Variants in ARRDC2 observed in about 807,000 individuals in gnomAD.
ARRDC2 encodes the protein arrestin domain-containing protein 2.
In ARRDC2, 39 loss-of-function variants were observed where a neutral mutation model predicts 38.9. That is an observed-to-expected ratio of 1.00 (90% confidence interval 0.78 to 1.31). The LOEUF (loss-of-function observed/expected upper bound fraction) is 1.31, where lower values mean the gene tolerates loss of function less well. Ranked by LOEUF, ARRDC2 falls within the 50% of genes most tolerant of loss-of-function variation. The pLI, the probability that ARRDC2 is intolerant of heterozygous loss-of-function variation, is 0.00. For missense variants in ARRDC2, 553 were observed against 588.4 expected (o/e 0.94, Z 0.62); for synonymous variants, 300 against 261.9 (o/e 1.15, Z -1.41).
chr19:18,008,199 T>C lies in ARRDC2; in HGVS notation c.-112T>C, dbSNP rs2033322260. The C allele has an allele frequency of 3.1e-6, 4 of 1,291,542 alleles. No individual in the cohort carries two copies. The East Asian group carries it at 1.8e-4, about 58-fold the overall frequency. The allele number at this position is 1,291,542 out of a possible 1,614,324, so 80.0% of individuals were successfully genotyped here. ...TTCTGCTCCGGTTGGTGAGCGCGCC[T>C]GCGCGTTGACGGCGATTTTGCGTTC... is the stretch of plus-strand genomic sequence containing the variant. On this transcript the variant is annotated 5_prime_UTR_variant, in exon 1 of 8. Transcript: ENST00000222250.
chr19:18,005,241 C>T (rs2033248564), upstream of ARRDC2, among the ~76,000 whole-genome samples: 2 of 151,994 alleles, frequency 1.3e-5, 1 homozygote, highest in South Asian at 4.1e-4. Flanking sequence ...GCACATCTTG[C>T]ACCACCCTTA....
chr19:18,006,667 G>T (rs565423127), upstream of ARRDC2, among the ~76,000 whole-genome samples: 2 of 151,794 alleles, frequency 1.3e-5, no homozygotes, highest in East Asian at 3.9e-4. Context: ...CTTAAAAATT[G>T]TTAAATTGTT....
At chr19:18,006,368 C>A (rs2033277935), upstream of ARRDC2, among the ~76,000 whole-genome samples, 1 of 152,216 alleles carries the variant, frequency 6.6e-6, no homozygotes, top group Non-Finnish European at 1.5e-5. Flanking sequence ...ACTCTGTCTG[C>A]AATCCCGGCA....
chr19:18,008,120 C>CCCCCCCCCCCCCCCCCCCCCGT, upstream of ARRDC2: 2 of 572,700 alleles, frequency 3.5e-6, no homozygotes, highest in Non-Finnish European at 5.1e-6. Flanking sequence ...ACGGTGACCC[C>CCCCCCCCCCCCCCCCCCCCCGT]ACCCCCCCCC....
At chr19:18,008,160 A>C (rs951232672), upstream of ARRDC2, 29 of 903,556 alleles carry the variant, frequency 3.2e-5, no homozygotes, top group South Asian at 6.9e-5. Flanking sequence ...GCGCCGACGC[A>C]CGGCGCGGGG....
Position 18,010,010 on chromosome 19 carries a change from C to T in ARRDC2, c.820C>T (p.Arg274Cys), listed in dbSNP as rs770483953. 53 of 1,602,086 alleles carry T rather than the reference C, an allele frequency of 3.3e-5. No individual in the cohort carries two copies. In the Admixed American group the frequency reaches 3.7e-4, roughly 11 times the overall value. Residue 274 changes from arginine (R) to cysteine (C), a missense_variant, in exon 5 of 8, where the codon CGC becomes TGC. Coordinates refer to ENST00000222250, the MANE Select transcript of ARRDC2 (RefSeq NM_015683.2). ...PPVGPSILHCRVLHVDYALKV... is the reference protein window; with the variant it reads ...PPVGPSILHCCVLHVDYALKV... ...AGTGGGTCCTTCCATCCTGCACTGCCGCGTTCTACACGTGGACTACGCACT... is the reference window on the plus strand; with the variant it reads ...AGTGGGTCCTTCCATCCTGCACTGCTGCGTTCTACACGTGGACTACGCACT...
chr19:18,004,716 T>C (rs2033238355), upstream of ARRDC2, among the ~76,000 whole-genome samples: 1 of 150,208 alleles, frequency 6.7e-6, no homozygotes, highest in South Asian at 2.1e-4. Context: ...AATTAAAATT[T>C]TGGCTGGGTG....
upstream of ARRDC2, among the ~76,000 whole-genome samples, chr19:18,004,580 TCA>T (rs1491328940): frequency 3.5e-5 from 5 of 143,278 alleles, no homozygotes; most frequent in African/African-American, 1.1e-4. Context: ...TCCCAGCTAC[TCA>T]GGGGGCTAAG....
chr19:18,008,120 C>CCCCCCCCCCCCCCCCCCCCCCAAAAAAA, upstream of ARRDC2: 1 of 572,700 alleles, frequency 1.7e-6, no homozygotes, highest in Non-Finnish European at 2.6e-6. Context: ...ACGGTGACCC[C>CCCCCCCCCCCCCCCCCCCCCCAAAAAAA]ACCCCCCCCC....
At chr19:18,010,061 G>T (rs763618986) in intron 5 of ARRDC2, 22 bp downstream of exon 5, 11 of 1,603,978 alleles carry the variant, frequency 6.9e-6, no homozygotes, top group Non-Finnish European at 8.5e-7. Flanking sequence ...TGCTGGCCCT[G>T]GGGGACAGTG....
chr19:18,005,015 A>C (rs1392579497), upstream of ARRDC2, among the ~76,000 whole-genome samples: 4 of 148,834 alleles, frequency 2.7e-5, no homozygotes, highest in Admixed American at 2.7e-4. Context: ...ATTTAAAAAA[A>C]ATTTTTTTTT....
At chr19:18,008,130 C>CCCCCCCCCCA, upstream of ARRDC2, 2 of 1,088,056 alleles carry the variant, frequency 1.8e-6, no homozygotes, top group Non-Finnish European at 1.2e-6. Context: ...CACCCCCCCC[C>CCCCCCCCCCA]GCCCTGCCGT....
chr19:18,008,433 C>A lies in ARRDC2; in HGVS notation c.123C>A (p.Ala41=), dbSNP rs1344763850. The A allele has an allele frequency of 1.3e-6, 2 of 1,586,868 alleles. No homozygotes were observed. Among genetic ancestry groups the A allele is most frequent in the South Asian group, 2.2e-5 (2 of 89,982 alleles). ...GGGTGCTGCTGGAGCTGTCAAGCGC[C>A]GCGCGTGTGGGTGCCCTGAGGCTGC... The part of the protein sequence containing the change: ...AGRVLLELSS[A]ARVGALRLRA... The change falls in exon 1 of 8, where the codon GCC becomes GCA. Residue 41 remains alanine (A), a synonymous_variant. Transcript: ENST00000222250.
At position 18,013,164 on chromosome 19, in the gene ARRDC2, G is replaced by A. The variant is rs778445700; in HGVS notation, c.*198G>A. 12 of 592,708 alleles carry A rather than the reference G, an allele frequency of 2.0e-5. No individual in the cohort carries two copies. The highest frequency in any genetic ancestry group is 5.6e-5 in the African/African-American group (3 of 53,140). The allele number at this position is 592,708 out of a possible 1,614,324, so 36.7% of individuals were successfully genotyped here. On this transcript the variant is annotated 3_prime_UTR_variant, in exon 8 of 8. Transcript: ENST00000222250. ...GGCTGGAATCTGACTTACCTGGACC[G>A]CTGTCCTTGTGAGGCATTGAATGCC...
Position 18,009,955 on chromosome 19 carries a change from G to A in ARRDC2, c.765G>A (p.Leu255=). Residue 255 remains leucine (L), a synonymous_variant, in exon 5 of 8, where the codon CTG becomes CTA. Transcript: ENST00000222250. The stretch of plus-strand genomic sequence containing the variant: ...CGGTGGGCCCCGGGCAGCGGGCGCT[G>A]TGGCAGGGCCGGGCACTGCGGATCC... ...GEPVGPGQRA[L]WQGRALRIPP... 6.2e-7 allele frequency: 1 copy of A among 1,604,672 alleles called. No homozygotes were observed. The highest frequency in any genetic ancestry group is 1.3e-5 in the African/African-American group (1 of 75,006).
chr19:18,004,427 A>T (rs1183046840), upstream of ARRDC2, among the ~76,000 whole-genome samples: 1 of 147,742 alleles, frequency 6.8e-6, no homozygotes, highest in East Asian at 2.2e-4. Context: ...TTGTATCTTT[A>T]GTAGAGACGG....
At chr19:18,001,130 G>A (rs913847869), upstream of ARRDC2, 8 of 529,864 alleles carry the variant, frequency 1.5e-5, no homozygotes, top group Admixed American at 2.6e-4. Context: ...GGATGCAGAG[G>A]ACCAGGAAGT....
chr19:18,011,952 A>ATATT (rs1408676551), intron 7 of ARRDC2, among the ~76,000 whole-genome samples: 2 of 100,778 alleles, frequency 2.0e-5, no homozygotes, highest in African/African-American at 8.5e-5. Context: ...ATATATATAT[A>ATATT]TTTTTTTTTT....
upstream of ARRDC2, chr19:18,008,091 T>C (rs1016228316): frequency 3.3e-6 from 4 of 1,216,286 alleles, no homozygotes; most frequent in Non-Finnish European, 4.3e-6. Flanking sequence ...GTGGAGTCCC[T>C]TCCCGGGGCG....
Sources: allele counts gnomAD v4.1 joint callset (sites outside exome capture counted in the v4.1 genomes callset), GRCh38; gene constraint gnomAD v4.1.1; transcripts MANE v1.5; gene names NCBI Gene and HGNC (gene_info 2026-07-23, HGNC 2026-07-21).